The following FAM222A variants were observed in gnomAD, a reference collection of about 807,000 sequenced individuals.
The protein encoded by FAM222A is family with sequence similarity 222 member A, also known as protein FAM222A.
Under a neutral mutation model 25.8 loss-of-function variants are expected in FAM222A, and 7 were observed. The observed-to-expected ratio is 0.27, with a 90% confidence interval of 0.15 to 0.51. The LOEUF (loss-of-function observed/expected upper bound fraction) is 0.51. FAM222A is among the 20% of genes least tolerant of loss of function. The pLI is 0.97. For synonymous variants in FAM222A, 294 were observed against 298.8 expected, an observed-to-expected ratio of 0.98 and a Z score of 0.17; for missense variants, 573 against 640.5, an observed-to-expected ratio of 0.89 and a Z score of 1.14.
chr12:109,756,791 A>G (rs965011160), intron 2 of FAM222A, among the ~76,000 whole-genome samples: 4 of 152,134 alleles, frequency 2.6e-5, no homozygotes, highest in Non-Finnish European at 5.9e-5. Flanking sequence ...CATAATGGCT[A>G]TATGGTCCAT....
chr12:109,718,434 A>G (rs1247490679), intron 1 of FAM222A, among the ~76,000 whole-genome samples: 1 of 152,130 alleles, frequency 6.6e-6, no homozygotes, highest in East Asian at 1.9e-4. Context: ...AACCGGAGGA[A>G]GGCAGCGAAG....
chr12:109,736,862 C>T (rs1374788452), intron 1 of FAM222A, among the ~76,000 whole-genome samples: 2 of 152,122 alleles, frequency 1.3e-5, no homozygotes, highest in Non-Finnish European at 2.9e-5. Context: ...TGGCCACCTA[C>T]CCCCAGACCC....
In FAM222A at chr12:109,770,417, C is replaced by G. The variant is rs1209230030; in HGVS notation, c.*1129C>G. On this transcript the variant is annotated 3_prime_UTR_variant, in exon 3 of 3. Transcript: ENST00000538780. ...ATGTTTTTTTTATACTAAAATTGAC[C>G]ATTATATTCTACTGTGAGAAGTGCA... is the stretch of plus-strand genomic sequence containing the variant. 6.6e-6 allele frequency: 1 copy of G among 152,550 alleles called. No homozygotes were observed. The highest frequency in any genetic ancestry group is 1.5e-5 in the Non-Finnish European group (1 of 68,046). The allele number at this position is 152,550 out of a possible 1,614,324, so 9.4% of individuals were successfully genotyped here.
chr12:109,769,332 C>A lies in FAM222A; in HGVS notation c.*44C>A. 6.5e-7 allele frequency: 1 copy of A among 1,528,382 alleles called. No individual in the cohort carries two copies. The highest frequency in any genetic ancestry group is 8.8e-7 in the Non-Finnish European group (1 of 1,134,810). 94.7% of individuals were successfully genotyped at this position (1,528,382 alleles called of 1,614,324 possible). ...ACGGACATGCGGACAGGGCGCAGAG[C>A]CGGGAGGCAGGCCGCAGAACAGGGT... On this transcript the variant is annotated 3_prime_UTR_variant, in exon 3 of 3. Transcript: ENST00000538780.
At chr12:109,757,606 G>A (rs760251585) in intron 2 of FAM222A, among the ~76,000 whole-genome samples, 4 of 152,154 alleles carry the variant, frequency 2.6e-5, no homozygotes, top group Non-Finnish European at 5.9e-5. Flanking sequence ...ATAATCCCCA[G>A]GATAGAAAGG....
intron 2 of FAM222A, among the ~76,000 whole-genome samples, chr12:109,750,420 C>T (rs1888529961): frequency 6.6e-6 from 1 of 152,206 alleles, no homozygotes; most frequent in African/African-American, 2.4e-5. Context: ...AGTCCCAGCA[C>T]TTTGGGAGGC....
At chr12:109,719,367 G>A (rs985585269) in intron 1 of FAM222A, among the ~76,000 whole-genome samples, 4 of 152,194 alleles carry the variant, frequency 2.6e-5, no homozygotes, top group Non-Finnish European at 4.4e-5. Flanking sequence ...AGGCAGAGGC[G>A]GGGTTCCAGC....
intron 1 of FAM222A, among the ~76,000 whole-genome samples, chr12:109,740,132 G>GC (rs1428641171): frequency 6.6e-6 from 1 of 152,206 alleles, no homozygotes; most frequent in Non-Finnish European, 1.5e-5. Context: ...GCTAAGGCGA[G>GC]CATCACAGAC....
chr12:109,736,622 C>T (rs1291189975), intron 1 of FAM222A, among the ~76,000 whole-genome samples: 2 of 152,202 alleles, frequency 1.3e-5, no homozygotes, highest in Non-Finnish European at 2.9e-5. Context: ...TGATGCCTCC[C>T]ATCCACTCAG....
intron 2 of FAM222A, among the ~76,000 whole-genome samples, chr12:109,753,137 G>C (rs954208405): frequency 5.9e-5 from 9 of 152,210 alleles, no homozygotes; most frequent in African/African-American, 1.9e-4. Context: ...AGAAGCCCCA[G>C]AGAGGCACCG....
chr12:109,750,261 A>T (rs185372738), intron 2 of FAM222A, among the ~76,000 whole-genome samples: 1 of 152,342 alleles, frequency 6.6e-6, no homozygotes, highest in East Asian at 1.9e-4. Context: ...AAATGATGAA[A>T]TTGGTAGATT....
At position 109,748,326 on chromosome 12, in the gene FAM222A, TTTTC is replaced by T. The variant is rs71443872; in HGVS notation, c.82+4106_82+4109del. Among the ~76,000 whole-genome samples the T allele has an allele frequency of 2.9e-3, 277 of 94,586 alleles. 7 individuals are homozygous for T. The highest frequency in any genetic ancestry group is 0.011 in the Middle Eastern group (2 of 186). The allele number at this position is 94,586 out of a possible 152,430, so 62.1% of individuals were successfully genotyped here. A position where few individuals can be genotyped will look rare whatever the true frequency, so the allele number is the denominator to read the frequency against. ...TCTCGTCAAAGAGATTGTTCTTTGG[TTTTC>T]TTTCTTTTTTTTTTTTTTTTTTTTG... is the stretch of plus-strand genomic sequence containing the variant. On this transcript the variant is annotated intron_variant, in intron 2 of 2. Transcript: ENST00000538780.
rs956928628 is a variant in FAM222A at position 109,747,501 on chromosome 12, A to G, written c.82+3273A>G. On this transcript the variant is annotated intron_variant, in intron 2 of 2. Transcript: ENST00000538780. Reference sequence around the variant, plus strand: ...TTTTCTTGTCTGAACTATAGAATCAATTTATCTAGGTCAAAACAAAAATCC... The same window carrying G: ...TTTTCTTGTCTGAACTATAGAATCAGTTTATCTAGGTCAAAACAAAAATCC... Among the ~76,000 whole-genome samples, 7 of 152,184 alleles carry G rather than the reference A, an allele frequency of 4.6e-5. No homozygotes were observed. The South Asian group carries it at 6.2e-4, about 14-fold the overall frequency.
intron 1 of FAM222A, among the ~76,000 whole-genome samples, chr12:109,739,143 A>G (rs1030864429): frequency 9.2e-5 from 14 of 152,212 alleles, no homozygotes; most frequent in Non-Finnish European, 1.8e-4. Context: ...GGCGCAGCCC[A>G]TGGCTTTCCC....
rs552570746 is a variant in FAM222A, at chr12:109,760,450, A to G, written c.83-7562A>G. On this transcript the variant is annotated intron_variant, in intron 2 of 2. Coordinates refer to ENST00000538780, the MANE Select transcript of FAM222A (RefSeq NM_032829.3). ...AGAGCAGGAGCCAGGGGGATGGAGG[A>G]CCTGGGCTCAAATCCTGGCTCACAA... 3.9e-5 allele frequency among the ~76,000 whole-genome samples: 6 copies of G among 152,262 alleles called. No individual in the cohort carries two copies. The East Asian group carries it at 1.2e-3, about 29-fold the overall frequency.
chr12:109,768,369 C>T lies in FAM222A; in HGVS notation c.440C>T (p.Pro147Leu), dbSNP rs1889123811. ...SPAAVQVGIA[P>L]YPVPSTLGPL... ...GCCGCCGTGCAGGTGGGCATTGCGC[C>T]CTACCCAGTGCCCAGCACTCTGGGT... Residue 147 changes from proline to leucine, a missense_variant, in exon 3 of 3, where the codon CCC becomes CTC. Physicochemically the swap from Pro to Leu is moderately conservative, Grantham distance 98. Around this residue, in one of 3 missense-constraint regions of FAM222A, gnomAD observed 412 missense variants for 407.0 expected, o/e 1.01. Coordinates refer to ENST00000538780, the MANE Select transcript of FAM222A (RefSeq NM_032829.3). 1.9e-6 allele frequency: 3 copies of T among 1,597,382 alleles called. No individual in the cohort carries two copies. Among genetic ancestry groups the T allele is most frequent in the South Asian group, 2.2e-5 (2 of 90,182 alleles).
intron 1 of FAM222A, among the ~76,000 whole-genome samples, chr12:109,719,790 G>C (rs1887715104): frequency 6.6e-6 from 1 of 152,034 alleles, no homozygotes; most frequent in South Asian, 2.1e-4. Context: ...GGGGCATCGG[G>C]TGCTGAGCTA....
intron 1 of FAM222A, among the ~76,000 whole-genome samples, chr12:109,718,658 G>T (rs1382135574): frequency 6.6e-6 from 1 of 152,244 alleles, no homozygotes; most frequent in Non-Finnish European, 1.5e-5. Context: ...CCTGTGCGTT[G>T]CGGGCCGCGG....
At chr12:109,720,816 T>C (rs11831476) in intron 1 of FAM222A, among the ~76,000 whole-genome samples, 16,161 of 152,170 alleles carry the variant, frequency 0.11, 1,757 homozygotes, top group East Asian at 0.43. Flanking sequence ...GTGGGTTAAT[T>C]GCCACAATGG....
Sources: gnomAD v4.1 joint callset for allele counts (sites outside exome capture counted in the v4.1 genomes callset) on GRCh38, gnomAD v4.1.1 for gene constraint, gnomAD v4.1.1 regional missense constraint, MANE v1.5 for transcripts, NCBI Gene and HGNC (gene_info 2026-07-23, HGNC 2026-07-21) for gene names.